ARHGEF9: variants seen among roughly 807,000 people sequenced by gnomAD.
The protein encoded by ARHGEF9 is Cdc42 guanine nucleotide exchange factor 9, also known as rho guanine nucleotide exchange factor 9.
Under a neutral mutation model 41.3 loss-of-function variants are expected in ARHGEF9, and 2 were observed. The observed-to-expected ratio is 0.05, with a 90% confidence interval of 0.02 to 0.15. The LOEUF (loss-of-function observed/expected upper bound fraction) is 0.15. ARHGEF9 is among the 10% of genes least tolerant of loss of function. ARHGEF9 has a pLI of 1.00. For synonymous variants in ARHGEF9, 160 were observed against 154.4 expected (o/e 1.04, Z -0.27); for missense variants, 225 against 424.7 (o/e 0.53, Z 4.13).
At chrX:63,722,373 G>T (rs2053676238) in intron 2 of ARHGEF9, among the ~76,000 whole-genome samples, 1 of 108,498 alleles carries the variant, frequency 9.2e-6, no homozygotes, top group Non-Finnish European at 1.9e-5. Flanking sequence ...CTGGGTGTTA[G>T]TGTTTTTGTT....
At chrX:63,766,270 C>A (rs782126790) in intron 1 of ARHGEF9, among the ~76,000 whole-genome samples, 1 of 111,590 alleles carries the variant, frequency 9.0e-6, no homozygotes. Context: ...TGTGTATGCA[C>A]ACTGAGAGGA....
At chrX:63,766,290 G>A (rs1357761680) in intron 1 of ARHGEF9, among the ~76,000 whole-genome samples, 2 of 111,822 alleles carry the variant, frequency 1.8e-5, no homozygotes, top group African/African-American at 6.5e-5. Flanking sequence ...AGGAAATGGA[G>A]GGAGGGAGAA....
chrX:63,771,976 C>CT (rs1188656520), intron 1 of ARHGEF9, among the ~76,000 whole-genome samples: 1 of 111,897 alleles, frequency 8.9e-6, no homozygotes, highest in Non-Finnish European at 1.9e-5. Context: ...TCCAGCCTGC[C>CT]TACCTACCCT....
chrX:63,681,431 A>T (rs1306840058), intron 4 of ARHGEF9, among the ~76,000 whole-genome samples: 1 of 112,412 alleles, frequency 8.9e-6, no homozygotes, highest in African/African-American at 3.2e-5. Context: ...TAAAACTACA[A>T]GTCAGTAACA....
At chrX:63,741,691 A>G (rs1286134038) in intron 1 of ARHGEF9, among the ~76,000 whole-genome samples, 1 of 112,645 alleles carries the variant, frequency 8.9e-6, no homozygotes, top group Non-Finnish European at 1.9e-5. Flanking sequence ...TGGGTGCACA[A>G]TTGTGCCTTA....
intron 1 of ARHGEF9, among the ~76,000 whole-genome samples, chrX:63,751,173 G>A (rs1384060854): frequency 9.0e-6 from 1 of 111,471 alleles, no homozygotes; most frequent in East Asian, 2.8e-4. Context: ...GAAGGGAATG[G>A]AGGAGCTTTA....
chrX:63,735,751 A>G (rs2054581119), intron 1 of ARHGEF9, among the ~76,000 whole-genome samples: 1 of 112,107 alleles, frequency 8.9e-6, no homozygotes, highest in Admixed American at 9.4e-5. Flanking sequence ...GCAAGGACAC[A>G]GGCTTGCAAA....
At chrX:63,738,337 CTT>C (rs1556424541) in intron 1 of ARHGEF9, among the ~76,000 whole-genome samples, 2 of 112,091 alleles carry the variant, frequency 1.8e-5, no homozygotes, top group Non-Finnish European at 3.8e-5. Context: ...GGAAGGGAGA[CTT>C]TTCACTGTGC....
intron 4 of ARHGEF9, among the ~76,000 whole-genome samples, chrX:63,694,141 C>T (rs1195599603): frequency 9.2e-6 from 1 of 108,662 alleles, no homozygotes; most frequent in Non-Finnish European, 1.9e-5. Flanking sequence ...CAAGATTGCA[C>T]CACTGCACTC....
rs2053845797 is a variant in ARHGEF9 at position 63,724,618 on chromosome X, T to C, written c.124A>G (p.Ile42Val). The change falls in exon 2 of 10, where the codon ATC becomes GTC. Residue 42 changes from isoleucine to valine, a missense_variant. This residue lies in a region of ARHGEF9 where 114 missense variants were observed against 197.9 expected (regional missense o/e 0.58). Coordinates refer to ENST00000671741, the MANE Select transcript of ARHGEF9 (RefSeq NM_001353921.2). The stretch of plus-strand genomic sequence containing the variant: ...TTGTTGGAAGCATCCAAGACTTTGA[T>C]GACGTCGCCAGCTTTAAATGCCAAC... ...RELAFKAGDV[I>V]KVLDASNKDW... The C allele has an allele frequency of 8.3e-7, 1 of 1,211,433 alleles. No homozygotes were observed. Among genetic ancestry groups the C allele is most frequent in the Non-Finnish European group, 1.1e-6 (1 of 895,455 alleles).
Position 63,678,517 on chromosome X carries a change from A to C in ARHGEF9, c.638T>G (p.Met213Arg). 2.5e-6 allele frequency: 3 copies of C among 1,206,467 alleles called. No homozygotes were observed. The highest frequency in any genetic ancestry group is 1.1e-6 in the Non-Finnish European group (1 of 892,624). The part of the protein sequence containing the change: ...EYCNNHLDAC[M>R]ELSKLMKDSR... ...GTCCTTCATCAGTTTGGAGAGCTCCATGCAAGCATCCAGGTGGTTGTTACA... is the reference window on the plus strand; with the variant it reads ...GTCCTTCATCAGTTTGGAGAGCTCCCTGCAAGCATCCAGGTGGTTGTTACA... Residue 213 changes from methionine to arginine, a missense_variant, in exon 5 of 10, where the codon ATG (methionine) becomes AGG (arginine). Transcript: ENST00000671741.
intron 7 of ARHGEF9, chrX:63,656,871 C>T (rs1339261195): frequency 3.6e-5 from 4 of 111,794 alleles, no homozygotes; most frequent in Non-Finnish European, 7.5e-5. Flanking sequence ...ATAGTAAACA[C>T]GTGGGTACTC....
At chrX:63,689,158 G>A (rs1252148179) in intron 4 of ARHGEF9, among the ~76,000 whole-genome samples, 1 of 111,054 alleles carries the variant, frequency 9.0e-6, no homozygotes, top group Non-Finnish European at 1.9e-5. Context: ...ATGTAAATGG[G>A]ACTAAATTCT....
chrX:63,664,770 A>G (rs1441203501), intron 7 of ARHGEF9, among the ~76,000 whole-genome samples: 3 of 112,179 alleles, frequency 2.7e-5, no homozygotes, highest in Non-Finnish European at 5.6e-5. Flanking sequence ...CCAAACACTG[A>G]GGCAGTCTGA....
intron 2 of ARHGEF9, among the ~76,000 whole-genome samples, chrX:63,723,501 G>T (rs531278999): frequency 8.9e-6 from 1 of 111,921 alleles, no homozygotes; most frequent in Non-Finnish European, 1.9e-5. Flanking sequence ...CTAACAAAAC[G>T]TGATAGGCTG....
intron 4 of ARHGEF9, among the ~76,000 whole-genome samples, chrX:63,687,706 G>T (rs1431877734): frequency 1.8e-5 from 2 of 110,220 alleles, no homozygotes; most frequent in African/African-American, 6.6e-5. Flanking sequence ...CTAGAGCTAA[G>T]AAATACAATA....
At chrX:63,770,548 G>A (rs1161032679) in intron 1 of ARHGEF9, among the ~76,000 whole-genome samples, 2 of 112,320 alleles carry the variant, frequency 1.8e-5, no homozygotes, top group Non-Finnish European at 3.8e-5. Flanking sequence ...GGGACTGTTG[G>A]AAAGGCAAAA....
chrX:63,754,741 G>GGGGGA, intron 1 of ARHGEF9: 19 of 954,077 alleles, frequency 2.0e-5, no homozygotes, highest in Non-Finnish European at 2.5e-5. Context: ...GAGTTTAGTC[G>GGGGGA]GGGGAGGGGA....
At position 63,635,248 on chromosome X, in the gene ARHGEF9, G is replaced by C. The variant is rs1301295457; in HGVS notation, c.*2780C>G. On this transcript the variant is annotated 3_prime_UTR_variant, in exon 10 of 10. Coordinates refer to ENST00000671741, the MANE Select transcript of ARHGEF9 (RefSeq NM_001353921.2). ...GAATTGTTAGAACTCTCTTGTTGCTGTTCTTATAGATCCATTAGAAATATA... is the reference window on the plus strand; with the variant it reads ...GAATTGTTAGAACTCTCTTGTTGCTCTTCTTATAGATCCATTAGAAATATA... The C allele has an allele frequency of 1.3e-5, 6 of 467,766 alleles. No homozygotes were observed. The highest frequency in any genetic ancestry group is 5.6e-5 in the South Asian group (2 of 35,545). 38.5% of individuals were successfully genotyped at this position (467,766 alleles called of 1,213,427 possible).
Sources: allele counts gnomAD v4.1 joint callset (sites outside exome capture counted in the v4.1 genomes callset), GRCh38; gene constraint gnomAD v4.1.1; regional missense constraint gnomAD v4.1.1; transcripts MANE v1.5; gene names NCBI Gene and HGNC (gene_info 2026-07-23, HGNC 2026-07-21).